USP53: variants seen among roughly 807,000 people sequenced by gnomAD.
The protein encoded by USP53 is ubiquitin specific peptidase 53.
USP53 carries 71 observed loss-of-function variants against 94.9 expected under a neutral mutation model. The observed-to-expected ratio is 0.75, with a 90% CI of 0.62 to 0.91. USP53 has a LOEUF of 0.91. USP53 is among the 40% of genes least tolerant of loss of function. USP53 has a pLI of 0.00. For synonymous variants in USP53, 375 were observed against 422.7 expected, an observed-to-expected ratio of 0.89 and a Z score of 1.39; for missense variants, 1,173 against 1,281.0, an observed-to-expected ratio of 0.92 and a Z score of 1.29.
intron 17 of USP53, among the ~76,000 whole-genome samples, chr4:119,274,541 A>C (rs368231335): frequency 1.3e-5 from 2 of 152,048 alleles, no homozygotes; most frequent in Non-Finnish European, 2.9e-5. Context: ...ATTGTGAATA[A>C]TGCCGCAATA....
At chr4:119,245,653 GA>G (rs1398931440) in intron 6 of USP53, among the ~76,000 whole-genome samples, 1 of 152,090 alleles carries the variant, frequency 6.6e-6, no homozygotes, top group Non-Finnish European at 1.5e-5. Context: ...AAATTGTTAG[GA>G]ACATTATCTT....
chr4:119,234,311 A>G (rs1746444932), intron 3 of USP53, among the ~76,000 whole-genome samples: 1 of 152,172 alleles, frequency 6.6e-6, no homozygotes, highest in Admixed American at 6.5e-5. Flanking sequence ...TTAACACTCT[A>G]GAAGCCATTG....
chr4:119,282,010 C>CT (rs1221942881), intron 17 of USP53, among the ~76,000 whole-genome samples: 1 of 152,060 alleles, frequency 6.6e-6, no homozygotes, highest in East Asian at 1.9e-4. Context: ...CACCATTCTA[C>CT]TTTTTGTCTC....
chr4:119,291,270 ATT>A lies in USP53; in HGVS notation c.2348+16_2348+17del, dbSNP rs34076547. ...AATCATTTGATAAAAAGGTAACCATATTTTTTTTCCCTAAATACATGTATTAT... is the reference window on the plus strand; with the variant it reads ...AATCATTTGATAAAAAGGTAACCATATTTTTTCCCTAAATACATGTATTAT... On this transcript the variant is annotated intron_variant, in intron 18 of 18. Coordinates refer to ENST00000692078, the MANE Select transcript of USP53 (RefSeq NM_001371395.1). 14 of 1,539,404 alleles carry A rather than the reference ATT, an allele frequency of 9.1e-6. No homozygotes were observed. Among genetic ancestry groups the A allele is most frequent in the Admixed American group, 1.9e-5 (1 of 52,946 alleles).
At chr4:119,268,469 C>T (rs1751459406) in intron 14 of USP53, 49 bp downstream of exon 14, 1 of 1,491,632 alleles carries the variant, frequency 6.7e-7, no homozygotes, top group Admixed American at 2.1e-5. Context: ...GAGTGTCCTC[C>T]TTTCTTCACT....
At chr4:119,278,191 A>G (rs1349931194) in intron 17 of USP53, among the ~76,000 whole-genome samples, 1 of 144,710 alleles carries the variant, frequency 6.9e-6, no homozygotes, top group African/African-American at 2.6e-5. Flanking sequence ...GTTTCTTCCT[A>G]GTCTCGATGG....
intron 17 of USP53, 63 bp from the exon 18 acceptor site, chr4:119,291,102 C>A: frequency 1.3e-6 from 1 of 782,330 alleles, no homozygotes; most frequent in Non-Finnish European, 1.9e-6. Context: ...GAAATAAATT[C>A]TGTAACATAA....
chr4:119,268,459 G>C (rs377266693), intron 14 of USP53, 39 bp downstream of exon 14: 22 of 1,550,628 alleles, frequency 1.4e-5, no homozygotes, highest in Non-Finnish European at 1.9e-5. Context: ...AGTTCCAAGT[G>C]AGTGTCCTCC....
chr4:119,236,393 A>G (rs1746756151), intron 4 of USP53, among the ~76,000 whole-genome samples: 1 of 152,196 alleles, frequency 6.6e-6, no homozygotes, highest in African/African-American at 2.4e-5. Context: ...TGGTTGCTGA[A>G]GGTTGAGGTG....
Position 119,212,718 on chromosome 4 carries a change from C to T in USP53, c.-1097C>T, listed in dbSNP as rs1743015315. The T allele has an allele frequency of 2.9e-6, 1 of 341,950 alleles. No individual in the cohort carries two copies. The highest frequency in any genetic ancestry group is 5.9e-6 in the Non-Finnish European group (1 of 170,696). The allele number at this position is 341,950 out of a possible 1,614,324, so 21.2% of individuals were successfully genotyped here. ...AGACCAGCCGCCTGTGCTCCAGTTC[C>T]CGGTGAGCCTCGGTACTGTGGCAGC... On this transcript the variant is annotated 5_prime_UTR_variant, in exon 1 of 19. Coordinates refer to ENST00000692078, the MANE Select transcript of USP53 (RefSeq NM_001371395.1).
At chr4:119,224,162 GC>G (rs1744938591) in intron 3 of USP53, among the ~76,000 whole-genome samples, 1 of 152,086 alleles carries the variant, frequency 6.6e-6, no homozygotes, top group Admixed American at 6.6e-5. Flanking sequence ...ACCACACCCG[GC>G]TGATTTTTGT....
At chr4:119,238,835 A>G (rs1037063451) in intron 4 of USP53, among the ~76,000 whole-genome samples, 1 of 152,236 alleles carries the variant, frequency 6.6e-6, no homozygotes, top group African/African-American at 2.4e-5. Context: ...ATAATTATAC[A>G]TATCCATTTA....
In USP53 at chr4:119,292,659, C is replaced by T; in HGVS notation, c.2670C>T (p.Tyr890=). ...AACAAAATATCATGGATCAATGTTA[C>T]TTTGAGAACTCTCTATCCACAGAAT... ...IQQQNIMDQC[Y]FENSLSTECI... The change falls in exon 19 of 19, where the codon TAC becomes TAT. Residue 890 remains tyrosine (Y), a synonymous_variant. Coordinates refer to ENST00000692078, the MANE Select transcript of USP53 (RefSeq NM_001371395.1). 3.1e-6 allele frequency: 5 copies of T among 1,613,996 alleles called. No homozygotes were observed. Among genetic ancestry groups the T allele is most frequent in the Non-Finnish European group, 4.2e-6 (5 of 1,179,878 alleles).
In USP53 at chr4:119,239,756, G is replaced by C; in HGVS notation, c.-4G>C. On this transcript the variant is annotated 5_prime_UTR_variant, in exon 5 of 19. Coordinates refer to ENST00000692078, the MANE Select transcript of USP53 (RefSeq NM_001371395.1). ...AGCCTAAATGCAAACAAAGTTGCTT[G>C]AAAATGGCATGGGTAAAATTCTTAC... is the stretch of plus-strand genomic sequence containing the variant. 1 of 1,604,870 alleles carries C rather than the reference G, an allele frequency of 6.2e-7. No homozygotes were observed. The highest frequency in any genetic ancestry group is 8.5e-7 in the Non-Finnish European group (1 of 1,177,032).
At chr4:119,246,969 G>A (rs554355445) in intron 6 of USP53, among the ~76,000 whole-genome samples, 1 of 150,756 alleles carries the variant, frequency 6.6e-6, no homozygotes, top group South Asian at 2.1e-4. Context: ...TAATGTATGT[G>A]CCTTAATTTC....
rs373166442 is a variant in USP53 at position 119,267,365 on chromosome 4, C to T, written c.1018C>T (p.His340Tyr). ...TGTTGTCTCCAAATGCATTCGATGC[C>T]ACTTTCAGCCACTACTTTTGTTTTA... ...KDVVSKCIRC[H>Y]FQPLLLFYAN... Residue 340 changes from histidine to tyrosine, a missense_variant, in exon 13 of 19, where the codon CAC becomes TAC. Transcript: ENST00000692078. The T allele has an allele frequency of 6.2e-7, 1 of 1,613,758 alleles. No homozygotes were observed. Among genetic ancestry groups the T allele is most frequent in the African/African-American group, 1.3e-5 (1 of 74,852 alleles).
At chr4:119,231,215 A>G (rs1269800398) in intron 3 of USP53, among the ~76,000 whole-genome samples, 1 of 152,212 alleles carries the variant, frequency 6.6e-6, no homozygotes, top group Non-Finnish European at 1.5e-5. Flanking sequence ...ACATAAAATT[A>G]TAGGAATTCA....
At chr4:119,246,353 T>C (rs1231734673) in intron 6 of USP53, among the ~76,000 whole-genome samples, 1 of 152,138 alleles carries the variant, frequency 6.6e-6, no homozygotes, top group Non-Finnish European at 1.5e-5. Context: ...TGAGCCACCA[T>C]GATGAGGAAG....
At chr4:119,226,904 G>A (rs1285602737) in intron 3 of USP53, among the ~76,000 whole-genome samples, 7 of 152,154 alleles carry the variant, frequency 4.6e-5, no homozygotes, top group African/African-American at 1.7e-4. Flanking sequence ...CACAATCACA[G>A]CTCACTGCAA....
Sources: allele counts gnomAD v4.1 joint callset (sites outside exome capture counted in the v4.1 genomes callset), GRCh38; gene constraint gnomAD v4.1.1; transcripts MANE v1.5; gene names NCBI Gene and HGNC (gene_info 2026-07-23, HGNC 2026-07-21).